The following ZGPAT variants were observed in gnomAD, a reference collection of about 807,000 sequenced individuals.
The protein encoded by ZGPAT is zinc finger CCCH-type and G-patch domain containing.
A neutral mutation model predicts 47.9 loss-of-function variants in ZGPAT; 39 were observed. The ratio of observed to expected loss-of-function variants is 0.81; its 90% CI spans 0.63 to 1.06. The LOEUF is 1.06. ZGPAT is among the 50% of genes least tolerant of loss of function. The probability of loss-of-function intolerance (pLI) is 0.00; values close to 1 mark genes in which losing one functional copy is unlikely to be tolerated. For missense variants in ZGPAT, 717 were observed against 681.4 expected (o/e 1.05, Z -0.58); for synonymous variants, 348 against 292.9 (o/e 1.19, Z -1.92).
At chr20:63,732,193 G>C (rs796728018) in intron 2 of ZGPAT, among the ~76,000 whole-genome samples, 27 of 151,692 alleles carry the variant, frequency 1.8e-4, no homozygotes, top group African/African-American at 6.5e-4. Flanking sequence ...GTGCATGTGT[G>C]GGTGCGGGTG....
chr20:63,720,448 C>T (rs2091776189), intron 2 of ZGPAT, among the ~76,000 whole-genome samples: 1 of 152,132 alleles, frequency 6.6e-6, no homozygotes, highest in African/African-American at 2.4e-5. Context: ...AGCCACCGCG[C>T]CCAGCCTATT....
chr20:63,727,333 C>T (rs1461663593), intron 2 of ZGPAT, among the ~76,000 whole-genome samples: 2 of 150,956 alleles, frequency 1.3e-5, no homozygotes, highest in Admixed American at 6.6e-5. Context: ...CCTCTGCCTT[C>T]TGGGTTCAAG....
chr20:63,729,589 A>AG (rs982011559), intron 2 of ZGPAT, among the ~76,000 whole-genome samples: 33 of 151,910 alleles, frequency 2.2e-4, no homozygotes, highest in African/African-American at 5.8e-4. Context: ...TTTCTGTGTG[A>AG]GGGGGGGCTC....
At chr20:63,715,183 C>G (rs998568161) in intron 2 of ZGPAT, among the ~76,000 whole-genome samples, 1 of 151,936 alleles carries the variant, frequency 6.6e-6, no homozygotes, top group Non-Finnish European at 1.5e-5. Context: ...CCTCCTGCCT[C>G]AGCCTCCGAA....
In ZGPAT at chr20:63,735,347, G is replaced by C. The variant is rs775243188; in HGVS notation, c.1180G>C (p.Val394Leu). 1 of 1,551,640 alleles carries C rather than the reference G, an allele frequency of 6.4e-7. No individual in the cohort carries two copies. The highest frequency in any genetic ancestry group is 1.4e-5 in the African/African-American group (1 of 72,646). The change falls in exon 6 of 7, where the codon GTG becomes CTG. Residue 394 changes from valine to leucine, a missense_variant. Transcript: ENST00000355969. ...TGGGGGCCGCCCAGCTCCTCGGAAT[G>C]TGTTTGACTTCCTCAATGAAAAGCT... ...RPGGRPAPRN[V>L]FDFLNEKLQG...
chr20:63,711,465 C>T (rs745772448), intron 2 of ZGPAT, among the ~76,000 whole-genome samples: 1 of 152,202 alleles, frequency 6.6e-6, no homozygotes, highest in Non-Finnish European at 1.5e-5. Flanking sequence ...CCCCAGCCCT[C>T]GTTCCGTCCC....
At chr20:63,712,476 T>A (rs934574176) in intron 2 of ZGPAT, among the ~76,000 whole-genome samples, 1 of 152,232 alleles carries the variant, frequency 6.6e-6, no homozygotes, top group South Asian at 2.1e-4. Context: ...TGTTTCTGGA[T>A]CCTTTGCAAT....
At chr20:63,722,660 T>A (rs1174383637) in intron 2 of ZGPAT, among the ~76,000 whole-genome samples, 1 of 152,054 alleles carries the variant, frequency 6.6e-6, no homozygotes, top group East Asian at 1.9e-4. Flanking sequence ...TTTTATGGAG[T>A]TTCACTCTGT....
chr20:63,710,379 C>T (rs992728318), intron 2 of ZGPAT, among the ~76,000 whole-genome samples: 11 of 151,654 alleles, frequency 7.3e-5, no homozygotes, highest in Non-Finnish European at 1.5e-5. Context: ...GTCTTGAACT[C>T]CTGACCTCGT....
rs35291396 is a variant in ZGPAT at position 63,724,984 on chromosome 20, C to CTT, written c.585-8219_585-8218dup. 1.4e-3 allele frequency among the ~76,000 whole-genome samples: 181 copies of CTT among 125,894 alleles called. 3 individuals are homozygous for CTT. In the South Asian group the frequency reaches 0.019, roughly 13 times the overall value. 82.6% of individuals were successfully genotyped at this position (125,894 alleles called of 152,430 possible). On this transcript the variant is annotated intron_variant, in intron 2 of 6. Transcript: ENST00000355969. ...ACCACGCCCAGCCCATTTAGAATTTCTTTTTTTTTTTTTTTTTGAGATGGG... is the reference window on the plus strand; with the variant it reads ...ACCACGCCCAGCCCATTTAGAATTTCTTTTTTTTTTTTTTTTTTTGAGATGGG...
At position 63,734,741 on chromosome 20, in the gene ZGPAT, G is replaced by T; in HGVS notation, c.908G>T (p.Ser303Ile). The change falls in exon 5 of 7, where the codon AGC becomes ATC. Residue 303 changes from serine (S) to isoleucine (I), a missense_variant. Coordinates refer to ENST00000355969, the MANE Select transcript of ZGPAT (RefSeq NM_181485.3). ...GATGCTGTGGACTCTGGGACCTGCAGCTCTGCCTTTGCTGGCTGGGAGGTG... is the reference window on the plus strand; with the variant it reads ...GATGCTGTGGACTCTGGGACCTGCATCTCTGCCTTTGCTGGCTGGGAGGTG... The part of the protein sequence containing the change: ...GSDAVDSGTC[S>I]SAFAGWEVHT... The T allele has an allele frequency of 6.2e-7, 1 of 1,614,088 alleles. No homozygotes were observed. The highest frequency in any genetic ancestry group is 8.5e-7 in the Non-Finnish European group (1 of 1,179,960).
chr20:63,715,395 A>G (rs942825904), intron 2 of ZGPAT, among the ~76,000 whole-genome samples: 2 of 151,914 alleles, frequency 1.3e-5, no homozygotes, highest in African/African-American at 2.4e-5. Flanking sequence ...GCCCGCCACT[A>G]TGCCCAGCTA....
chr20:63,726,673 C>T (rs1480335896), intron 2 of ZGPAT, among the ~76,000 whole-genome samples: 1 of 151,766 alleles, frequency 6.6e-6, no homozygotes, highest in Middle Eastern at 3.2e-3. Context: ...CAGGCACCCT[C>T]CACCACACCT....
chr20:63,714,165 C>T lies in ZGPAT; in HGVS notation c.584+5001C>T, dbSNP rs1222937040. 2.6e-5 allele frequency among the ~76,000 whole-genome samples: 4 copies of T among 152,126 alleles called. No homozygotes were observed. The East Asian group carries it at 7.7e-4, about 29-fold the overall frequency. On this transcript the variant is annotated intron_variant, in intron 2 of 6. Coordinates refer to ENST00000355969, the MANE Select transcript of ZGPAT (RefSeq NM_181485.3). ...AGCGGGCCGGGGGTGGTGGCTCACA[C>T]CTGTGTTCCCAGCACTTTGGGAGGT... is the stretch of plus-strand genomic sequence containing the variant.
rs71197427 is a variant in ZGPAT, at chr20:63,725,764, CTT to C, written c.585-7441_585-7440del. 6.6e-4 allele frequency among the ~76,000 whole-genome samples: 91 copies of C among 136,930 alleles called. 1 individual carries two copies. The South Asian group carries it at 7.4e-3, about 11-fold the overall frequency. 89.8% of individuals were successfully genotyped at this position (136,930 alleles called of 152,430 possible). ...GTATGTTGGTGTGCGTTCTCTAAAG[CTT>C]TTTTTTTTTTTTTCCAACCTTTTTT... On this transcript the variant is annotated intron_variant, in intron 2 of 6. Transcript: ENST00000355969.
Position 63,733,263 on chromosome 20 carries a change from T to G in ZGPAT, c.629T>G (p.Phe210Cys). 2 of 1,613,812 alleles carry G rather than the reference T, an allele frequency of 1.2e-6. No homozygotes were observed. Among genetic ancestry groups the G allele is most frequent in the Non-Finnish European group, 1.7e-6 (2 of 1,179,932 alleles). The change falls in exon 3 of 7, where the codon TTC becomes TGC. Residue 210 changes from phenylalanine (F) to cysteine (C), a missense_variant. Phe to Cys is a radical substitution (Grantham distance 205). Transcript: ENST00000355969. The stretch of plus-strand genomic sequence containing the variant: ...GTCTCTCTGGATGAGCTGCGCCCCT[T>G]CCAGGACCCAGACCTGAGCTCCCTG... ...QVVSLDELRP[F>C]QDPDLSSLQA...
chr20:63,734,943 A>G, intron 5 of ZGPAT, 119 bp downstream of exon 5: 1 of 1,386,108 alleles, frequency 7.2e-7, no homozygotes, highest in South Asian at 1.5e-5. Flanking sequence ...CAGCCACAGC[A>G]CTGCCATCCC....
At chr20:63,713,564 T>A (rs1451946780) in intron 2 of ZGPAT, among the ~76,000 whole-genome samples, 5 of 150,676 alleles carry the variant, frequency 3.3e-5, no homozygotes, top group Non-Finnish European at 7.4e-5. Context: ...TTTCAGGCTG[T>A]TTGTTGCTAG....
chr20:63,715,845 G>A (rs542277236), intron 2 of ZGPAT, among the ~76,000 whole-genome samples: 1 of 152,056 alleles, frequency 6.6e-6, no homozygotes, highest in African/African-American at 2.4e-5. Context: ...GAGAGAGAGA[G>A]AGAGAGAGAG....
Sources: allele counts gnomAD v4.1 joint callset (sites outside exome capture counted in the v4.1 genomes callset), GRCh38; gene constraint gnomAD v4.1.1; transcripts MANE v1.5; gene names NCBI Gene and HGNC (gene_info 2026-07-23, HGNC 2026-07-21).